APBB1IP: variants seen among roughly 807,000 people sequenced by gnomAD.
APBB1IP encodes amyloid beta A4 precursor protein-binding family B member 1-interacting protein.
APBB1IP carries 27 observed loss-of-function variants against 64.9 expected under a neutral mutation model. The observed-to-expected ratio is 0.42, with a 90% CI of 0.31 to 0.57. The LOEUF (loss-of-function observed/expected upper bound fraction) is 0.57. Ranked by LOEUF, APBB1IP falls within the 20% of genes least tolerant of loss-of-function variation. The probability of loss-of-function intolerance (pLI) is 0.20; values close to 1 mark genes in which losing one functional copy is unlikely to be tolerated. For synonymous variants in APBB1IP, 392 were observed against 331.0 expected (o/e 1.18, Z -2.00); for missense variants, 812 against 845.5 (o/e 0.96, Z 0.49).
At chr10:26,552,271 C>T (rs1267105346) in intron 11 of APBB1IP, among the ~76,000 whole-genome samples, 1 of 152,126 alleles carries the variant, frequency 6.6e-6, no homozygotes, top group East Asian at 1.9e-4. Flanking sequence ...TGCACTCCAG[C>T]CGGGGCAACA....
At chr10:26,514,316 T>A (rs1197283713) in intron 8 of APBB1IP, among the ~76,000 whole-genome samples, 1 of 152,230 alleles carries the variant, frequency 6.6e-6, no homozygotes, top group Non-Finnish European at 1.5e-5. Context: ...TTCTTCCTGC[T>A]TCTTGCTTGA....
chr10:26,558,303 G>T (rs1440615380), intron 11 of APBB1IP, among the ~76,000 whole-genome samples: 1 of 152,070 alleles, frequency 6.6e-6, no homozygotes, highest in Non-Finnish European at 1.5e-5. Flanking sequence ...GCCTGATGAC[G>T]GTGATTTCTA....
In APBB1IP at chr10:26,533,482, C is replaced by G. The variant is rs1836579532; in HGVS notation, c.857C>G (p.Thr286Ser). ...AGAGGAAAAAAAGAAAGCAAGGAAA[C>G]TAATGAGAAAATGAATGCTAAGAAC... Reference protein sequence around the residue: ...DNRGKKESKETNEKMNAKNKE... With the variant: ...DNRGKKESKESNEKMNAKNKE... Residue 286 changes from threonine to serine, a missense_variant, in exon 9 of 15, where the codon ACT becomes AGT. Transcript: ENST00000376236. The G allele has an allele frequency of 2.5e-6, 4 of 1,604,548 alleles. No homozygotes were observed. In the African/African-American group the frequency reaches 5.4e-5, roughly 22 times the overall value.
At chr10:26,453,550 G>A (rs771288752) in intron 2 of APBB1IP, among the ~76,000 whole-genome samples, 2 of 152,032 alleles carry the variant, frequency 1.3e-5, no homozygotes, top group Non-Finnish European at 1.5e-5. Context: ...CTCTGATGAC[G>A]TGGACTTGCC....
chr10:26,513,431 C>A, intron 7 of APBB1IP, 108 bp from the exon 8 acceptor site: 1 of 1,228,584 alleles, frequency 8.1e-7, no homozygotes, highest in Non-Finnish European at 1.2e-6. Context: ...AATAAGAATC[C>A]CAGGCACCTG....
rs1018030824 is a variant in APBB1IP, at chr10:26,534,126, G to A, written c.900+601G>A. Among the ~76,000 whole-genome samples the A allele has an allele frequency of 5.3e-5, 8 of 151,718 alleles. 1 individual carries two copies. Among genetic ancestry groups the A allele is most frequent in the Admixed American group, 3.9e-4 (6 of 15,214 alleles). On this transcript the variant is annotated intron_variant, in intron 9 of 14. Transcript: ENST00000376236. Reference sequence around the variant, plus strand: ...AAGTTCATTTGACAATTGATTTTTTGGAAACCTCTAATGAGTTTTCACATA... The same window carrying A: ...AAGTTCATTTGACAATTGATTTTTTAGAAACCTCTAATGAGTTTTCACATA...
At chr10:26,563,370 TA>T (rs1284552520) in intron 14 of APBB1IP, among the ~76,000 whole-genome samples, 1 of 152,014 alleles carries the variant, frequency 6.6e-6, no homozygotes, top group Non-Finnish European at 1.5e-5. Context: ...AGAAAAAAGA[TA>T]AAGAAGGGTT....
intron 11 of APBB1IP, among the ~76,000 whole-genome samples, chr10:26,545,813 G>A (rs1836758231): frequency 6.6e-6 from 1 of 151,264 alleles, no homozygotes; most frequent in African/African-American, 2.4e-5. Flanking sequence ...AGCTGGGCGT[G>A]GTGGCACGCG....
In APBB1IP at chr10:26,445,107, G is replaced by A. The variant is rs1463082287; in HGVS notation, c.-1+6254G>A. Among the ~76,000 whole-genome samples the A allele has an allele frequency of 2.9e-5, 3 of 102,950 alleles. No homozygotes were observed. The East Asian group carries it at 9.1e-4, about 31-fold the overall frequency. The allele number at this position is 102,950 out of a possible 152,430, so 67.5% of individuals were successfully genotyped here. On this transcript the variant is annotated intron_variant, in intron 2 of 14. Coordinates refer to ENST00000376236, the MANE Select transcript of APBB1IP (RefSeq NM_019043.4). ...GTGAGATTCTGTCAAAAAAAAAAAA[G>A]AGGAAAAGAAAGAAAGAAAGAAAAG...
chr10:26,542,522 C>T (rs548143535), intron 11 of APBB1IP, among the ~76,000 whole-genome samples: 3 of 152,316 alleles, frequency 2.0e-5, no homozygotes, highest in South Asian at 2.1e-4. Flanking sequence ...TACAACCACA[C>T]ATGTGATGCG....
At chr10:26,540,745 A>G (rs976764149) in intron 10 of APBB1IP, among the ~76,000 whole-genome samples, 13 of 152,218 alleles carry the variant, frequency 8.5e-5, no homozygotes, top group African/African-American at 2.4e-5. Flanking sequence ...GTAACCAAAT[A>G]TGTAGATTAC....
At chr10:26,534,294 CAA>C (rs71403804) in intron 9 of APBB1IP, among the ~76,000 whole-genome samples, 13 of 58,686 alleles carry the variant, frequency 2.2e-4, no homozygotes, top group African/African-American at 8.1e-4. Context: ...GATCCAGTCT[CAA>C]AAAAAAAAAA....
chr10:26,441,442 G>A (rs1427304729), intron 2 of APBB1IP, among the ~76,000 whole-genome samples: 2 of 152,176 alleles, frequency 1.3e-5, no homozygotes, highest in Non-Finnish European at 2.9e-5. Flanking sequence ...GATTGTACCT[G>A]CAGCTTGGAA....
chr10:26,522,122 T>C (rs1836409761), intron 8 of APBB1IP, among the ~76,000 whole-genome samples: 1 of 152,234 alleles, frequency 6.6e-6, no homozygotes, highest in Non-Finnish European at 1.5e-5. Context: ...AAAAAACTAT[T>C]CAACGGAATC....
At chr10:26,531,706 T>C (rs1424128835) in intron 8 of APBB1IP, among the ~76,000 whole-genome samples, 2 of 152,110 alleles carry the variant, frequency 1.3e-5, no homozygotes, top group Non-Finnish European at 2.9e-5. Flanking sequence ...TTTTATGCAT[T>C]GTATTTCAAG....
At chr10:26,517,269 A>G (rs1836344040) in intron 8 of APBB1IP, among the ~76,000 whole-genome samples, 1 of 152,146 alleles carries the variant, frequency 6.6e-6, no homozygotes. Flanking sequence ...GAACCAACCC[A>G]TGTAATTACC....
intron 2 of APBB1IP, among the ~76,000 whole-genome samples, chr10:26,457,915 G>T (rs1835546302): frequency 6.6e-6 from 1 of 152,236 alleles, no homozygotes; most frequent in African/African-American, 2.4e-5. Context: ...TATTTGCTCT[G>T]AAAGGGTAAA....
Position 26,567,177 on chromosome 10 carries a change from G to C in APBB1IP, c.1690G>C (p.Asp564His). ...GCCGCCGCCACCGCCGCCGCCCCTCGATGACCCTGAGCTCCCGCCGCCGCC... is the reference window on the plus strand; with the variant it reads ...GCCGCCGCCACCGCCGCCGCCCCTCCATGACCCTGAGCTCCCGCCGCCGCC... Reference protein sequence around the residue: ...LPPPPPPPPLDDPELPPPPPD... With the variant: ...LPPPPPPPPLHDPELPPPPPD... Residue 564 changes from aspartate (D) to histidine (H), a missense_variant, in exon 15 of 15, where the codon GAT becomes CAT. This residue lies in a region of APBB1IP where 381 missense variants were observed against 352.1 expected (regional missense o/e 1.08). Transcript: ENST00000376236. 2.1e-6 allele frequency: 3 copies of C among 1,413,672 alleles called. No homozygotes were observed. Among genetic ancestry groups the C allele is most frequent in the Non-Finnish European group, 2.8e-6 (3 of 1,090,328 alleles). The allele number at this position is 1,413,672 out of a possible 1,614,324, so 87.6% of individuals were successfully genotyped here. A position where few individuals can be genotyped will look rare whatever the true frequency, so the allele number is the denominator to read the frequency against.
intron 11 of APBB1IP, among the ~76,000 whole-genome samples, chr10:26,544,176 C>G (rs1836732487): frequency 6.6e-6 from 1 of 152,190 alleles, no homozygotes; most frequent in African/African-American, 2.4e-5. Flanking sequence ...CACAATGCCA[C>G]CTGCCCTTGA....
Sources: allele counts gnomAD v4.1 joint callset (sites outside exome capture counted in the v4.1 genomes callset), GRCh38; gene constraint gnomAD v4.1.1; regional missense constraint gnomAD v4.1.1; transcripts MANE v1.5; gene names NCBI Gene and HGNC (gene_info 2026-07-23, HGNC 2026-07-21).